The following LSAMP variants were observed in gnomAD, a reference collection of about 807,000 sequenced individuals.
LSAMP encodes the protein limbic system associated membrane protein.
LSAMP carries 7 observed loss-of-function variants against 38.6 expected under a neutral mutation model. The ratio of observed to expected loss-of-function variants is 0.18; its 90% confidence interval spans 0.10 to 0.34. The LOEUF (loss-of-function observed/expected upper bound fraction) is 0.34, where lower values mean the gene tolerates loss of function less well. Among genes scored for constraint, LSAMP ranks in the 10% least tolerant of loss-of-function variants. The probability of loss-of-function intolerance (pLI) is 1.00; values close to 1 mark genes in which losing one functional copy is unlikely to be tolerated. For synonymous variants in LSAMP, 154 were observed against 166.8 expected (o/e 0.92, Z 0.59); for missense variants, 313 against 420.0 (o/e 0.75, Z 2.23).
intron 1 of LSAMP, among the ~76,000 whole-genome samples, chr3:116,366,855 A>T (rs1407294942): frequency 6.6e-6 from 1 of 152,196 alleles, no homozygotes; most frequent in Non-Finnish European, 1.5e-5. Flanking sequence ...AGTCTTCCTT[A>T]TCAATGACAC....
chr3:116,116,726 GATA>G (rs144004075), intron 1 of LSAMP, among the ~76,000 whole-genome samples: 109 of 149,870 alleles, frequency 7.3e-4, no homozygotes, highest in African/African-American at 2.3e-3. Flanking sequence ...AAATAATAAT[GATA>G]ATAATAATAA....
At chr3:115,934,505 T>A (rs1284357419) in intron 3 of LSAMP, among the ~76,000 whole-genome samples, 1 of 152,118 alleles carries the variant, frequency 6.6e-6, no homozygotes, top group Non-Finnish European at 1.5e-5. Context: ...TTTAAAAGTG[T>A]TATGGGGCTG....
chr3:115,816,547 A>C, intron 6 of LSAMP: 1 of 933,844 alleles, frequency 1.1e-6, no homozygotes, highest in African/African-American at 1.7e-5. Flanking sequence ...AGTATATAAG[A>C]CAACAATATA....
intron 1 of LSAMP, among the ~76,000 whole-genome samples, chr3:116,280,814 G>C (rs2047117806): frequency 6.6e-6 from 1 of 152,166 alleles, no homozygotes; most frequent in South Asian, 2.1e-4. Context: ...ACAAACTTAA[G>C]CAGTGGATTG....
rs1353586613 is a variant in LSAMP at position 115,810,431 on chromosome 3, G to C, written c.920-17C>G. ...ACCCAGGTCCTGCAGAGCAAAAGAG[G>C]AGAGAGAAAAAGAGAATGAGTTACA... On this transcript the variant is annotated splice_polypyrimidine_tract_variant and intron_variant, in intron 6 of 6. Transcript: ENST00000490035. 2.5e-6 allele frequency: 4 copies of C among 1,578,440 alleles called. No homozygotes were observed. The African/African-American group carries it at 5.4e-5, about 21-fold the overall frequency.
intron 3 of LSAMP, among the ~76,000 whole-genome samples, chr3:115,949,951 G>A (rs1938228855): frequency 6.6e-6 from 1 of 152,124 alleles, no homozygotes; most frequent in Non-Finnish European, 1.5e-5. Flanking sequence ...GTCAATAAAT[G>A]TGATACATCA....
chr3:116,248,091 T>G (rs1189193490), intron 1 of LSAMP, among the ~76,000 whole-genome samples: 1 of 152,188 alleles, frequency 6.6e-6, no homozygotes, highest in East Asian at 1.9e-4. Flanking sequence ...TGCCAGGTAA[T>G]GTGTTACGTA....
At chr3:116,211,897 G>C (rs1480380730) in intron 1 of LSAMP, among the ~76,000 whole-genome samples, 2 of 152,230 alleles carry the variant, frequency 1.3e-5, no homozygotes, top group Non-Finnish European at 2.9e-5. Context: ...CCAGCAGATA[G>C]ATGATAGCAG....
At chr3:116,147,601 A>G (rs1392421500) in intron 1 of LSAMP, among the ~76,000 whole-genome samples, 4 of 151,974 alleles carry the variant, frequency 2.6e-5, no homozygotes, top group African/African-American at 9.7e-5. Context: ...AATTGACAAC[A>G]GGCCCTACAT....
At chr3:116,021,435 G>A (rs1940635656) in intron 2 of LSAMP, among the ~76,000 whole-genome samples, 1 of 151,928 alleles carries the variant, frequency 6.6e-6, no homozygotes, top group African/African-American at 2.4e-5. Flanking sequence ...GTTATTTCGA[G>A]TTCACAGTTA....
intron 1 of LSAMP, among the ~76,000 whole-genome samples, chr3:116,330,514 A>G (rs2107740216): frequency 6.6e-6 from 1 of 152,238 alleles, no homozygotes; most frequent in South Asian, 2.1e-4. Context: ...CTGTGACTGA[A>G]GAGATTTCCA....
At chr3:116,325,647 C>T (rs1252386398) in intron 1 of LSAMP, among the ~76,000 whole-genome samples, 1 of 152,128 alleles carries the variant, frequency 6.6e-6, no homozygotes, top group Non-Finnish European at 1.5e-5. Context: ...TATTTTTCTT[C>T]CCCCTCAGTT....
At chr3:115,913,720 T>C (rs1937183618) in intron 3 of LSAMP, among the ~76,000 whole-genome samples, 1 of 151,958 alleles carries the variant, frequency 6.6e-6, no homozygotes, top group Non-Finnish European at 1.5e-5. Flanking sequence ...GAAAAAAGAG[T>C]AATGCCTCAG....
chr3:116,197,163 A>ACACACACACACACACACTCT (rs1268040540), intron 1 of LSAMP, among the ~76,000 whole-genome samples: 3 of 139,086 alleles, frequency 2.2e-5, no homozygotes, highest in African/African-American at 7.8e-5. Context: ...ACACACACAC[A>ACACACACACACACACACTCT]CTCTCTCTCT....
At chr3:116,378,539 T>C (rs1378633550) in intron 1 of LSAMP, among the ~76,000 whole-genome samples, 2 of 152,112 alleles carry the variant, frequency 1.3e-5, no homozygotes, top group Non-Finnish European at 2.9e-5. Context: ...CTACACTGTA[T>C]AGCAGTTTAT....
chr3:116,410,228 G>A (rs1055073165), intron 1 of LSAMP, among the ~76,000 whole-genome samples: 5 of 151,968 alleles, frequency 3.3e-5, no homozygotes, highest in African/African-American at 9.7e-5. Flanking sequence ...TACCGAATAG[G>A]GGGGACAGAA....
chr3:115,981,435 CTG>C (rs1405627888), intron 3 of LSAMP, among the ~76,000 whole-genome samples: 2 of 151,998 alleles, frequency 1.3e-5, no homozygotes, highest in African/African-American at 4.8e-5. Flanking sequence ...AAAAAAAAAA[CTG>C]TATCTTTTGA....
At chr3:115,842,415 C>G in intron 5 of LSAMP, 43 bp downstream of exon 5, 1 of 1,605,552 alleles carries the variant, frequency 6.2e-7, no homozygotes, top group Non-Finnish European at 8.5e-7. Flanking sequence ...TGTCCCCAGG[C>G]CCATGCAGTG....
At chr3:116,189,387 C>G (rs1296026275) in intron 1 of LSAMP, among the ~76,000 whole-genome samples, 1 of 152,184 alleles carries the variant, frequency 6.6e-6, no homozygotes. Flanking sequence ...AATATTTACA[C>G]CAAGGAAATT....
Sources: allele counts gnomAD v4.1 joint callset (sites outside exome capture counted in the v4.1 genomes callset), GRCh38; gene constraint gnomAD v4.1.1; transcripts MANE v1.5; gene names NCBI Gene and HGNC (gene_info 2026-07-23, HGNC 2026-07-21).